The following CHST9 variants were observed in gnomAD, a reference collection of about 807,000 sequenced individuals.
The protein encoded by CHST9 is GalNAc-4-sulfotransferase 2.
A neutral mutation model predicts 44.4 loss-of-function variants in CHST9; 41 were observed. The ratio of observed to expected loss-of-function variants is 0.92; its 90% CI spans 0.72 to 1.20. The LOEUF (loss-of-function observed/expected upper bound fraction) is 1.20. Among genes scored for constraint, CHST9 ranks in the 50% most tolerant of loss-of-function variants. The probability of loss-of-function intolerance (pLI) is 0.00; values close to 1 mark genes in which losing one functional copy is unlikely to be tolerated. For synonymous variants in CHST9, 171 were observed against 178.4 expected (o/e 0.96, Z 0.33); for missense variants, 504 against 516.5 (o/e 0.98, Z 0.23).
At chr18:27,112,975 G>A (rs1357110614) in intron 2 of CHST9, among the ~76,000 whole-genome samples, 2 of 151,992 alleles carry the variant, frequency 1.3e-5, no homozygotes, top group African/African-American at 4.8e-5. Context: ...GGATCATGAG[G>A]TCAAGAGATC....
chr18:27,131,825 T>C (rs553179984), intron 2 of CHST9, among the ~76,000 whole-genome samples: 1 of 152,382 alleles, frequency 6.6e-6, no homozygotes, highest in East Asian at 1.9e-4. Context: ...TATTTTAATT[T>C]AAAACATTCC....
chr18:27,171,627 C>T (rs1459347416), intron 1 of CHST9, among the ~76,000 whole-genome samples: 1 of 152,000 alleles, frequency 6.6e-6, no homozygotes, highest in Admixed American at 6.5e-5. Context: ...ATAAAGAGAA[C>T]GTGGTTGTTT....
intron 5 of CHST9, chr18:26,930,884 T>A (rs1463563120): frequency 1.3e-5 from 2 of 149,638 alleles, no homozygotes; most frequent in Non-Finnish European, 3.0e-5. Flanking sequence ...CCCTTTCTGT[T>A]ACTTCCTGTA....
At chr18:27,012,353 A>G (rs981237757) in intron 4 of CHST9, among the ~76,000 whole-genome samples, 4 of 152,202 alleles carry the variant, frequency 2.6e-5, no homozygotes, top group African/African-American at 9.6e-5. Flanking sequence ...TATTTTTGCA[A>G]TAAAGTAAGC....
intron 2 of CHST9, among the ~76,000 whole-genome samples, chr18:27,064,269 G>GA (rs11388117): frequency 0.25 from 37,554 of 147,312 alleles, 5,464 homozygotes; most frequent in African/African-American, 0.4. Context: ...GCCTTACAGC[G>GA]AAAAAAAAAA....
intron 1 of CHST9, among the ~76,000 whole-genome samples, chr18:27,175,644 G>A (rs1319673428): frequency 6.6e-6 from 1 of 152,066 alleles, no homozygotes; most frequent in Non-Finnish European, 1.5e-5. Context: ...TTATTAGAAT[G>A]TGAGGGTGGA....
chr18:27,114,853 G>A (rs550494413), intron 2 of CHST9, among the ~76,000 whole-genome samples: 1 of 152,170 alleles, frequency 6.6e-6, no homozygotes, highest in African/African-American at 2.4e-5. Flanking sequence ...TACCACATTT[G>A]GATACGTGGG....
intron 2 of CHST9, among the ~76,000 whole-genome samples, chr18:27,052,958 A>G (rs2057586056): frequency 6.6e-6 from 1 of 151,716 alleles, no homozygotes; most frequent in East Asian, 1.9e-4. Context: ...CATTATGACA[A>G]ATACCTAGTG....
chr18:26,917,914 C>A (rs2055567917), intron 5 of CHST9, among the ~76,000 whole-genome samples: 1 of 151,644 alleles, frequency 6.6e-6, no homozygotes, highest in Non-Finnish European at 1.5e-5. Flanking sequence ...TTTTCTAAAG[C>A]ATTTATCACA....
At position 27,151,198 on chromosome 18, in the gene CHST9, C is replaced by T. The variant is rs151257240; in HGVS notation, c.-96-8293G>A. Among the ~76,000 whole-genome samples, 135 of 152,104 alleles carry T rather than the reference C, an allele frequency of 8.9e-4. 2 individuals are homozygous for T. The East Asian group carries it at 0.024, about 27-fold the overall frequency. On this transcript the variant is annotated intron_variant, in intron 1 of 5. Transcript: ENST00000618847. ...AGTAGTTAAATAACCCCATTTTAAT[C>T]TATTTTAATACTGTGTAATTCCTGA...
intron 4 of CHST9, among the ~76,000 whole-genome samples, chr18:26,952,008 T>C (rs1213711615): frequency 1.3e-5 from 2 of 152,170 alleles, no homozygotes; most frequent in African/African-American, 4.8e-5. Context: ...TTCCTGATCA[T>C]ATTACATGAC....
At chr18:27,141,686 C>T (rs1178608249) in intron 2 of CHST9, among the ~76,000 whole-genome samples, 2 of 139,266 alleles carry the variant, frequency 1.4e-5, no homozygotes, top group African/African-American at 5.5e-5. Flanking sequence ...AGTTGTAACT[C>T]AGTATTAAAT....
At chr18:26,988,409 G>C (rs1038513126) in intron 4 of CHST9, among the ~76,000 whole-genome samples, 1 of 152,074 alleles carries the variant, frequency 6.6e-6, no homozygotes, top group Admixed American at 6.5e-5. Flanking sequence ...TATTGAGCCA[G>C]GCAAAGTAAT....
chr18:26,923,061 C>T (rs2055692876), intron 5 of CHST9, among the ~76,000 whole-genome samples: 2 of 152,234 alleles, frequency 1.3e-5, no homozygotes, highest in African/African-American at 2.4e-5. Context: ...ACCTCCTATA[C>T]ATCAGGTTCT....
At chr18:27,076,335 A>ATG (rs968561520) in intron 2 of CHST9, among the ~76,000 whole-genome samples, 11 of 152,222 alleles carry the variant, frequency 7.2e-5, no homozygotes, top group Admixed American at 7.2e-4. Flanking sequence ...TTATTAATGA[A>ATG]TGTGTGTGTG....
Position 27,078,464 on chromosome 18 carries a change from GT to G in CHST9, c.122-29962del, listed in dbSNP as rs1411988734. On this transcript the variant is annotated intron_variant, in intron 2 of 5. Coordinates refer to ENST00000618847, the MANE Select transcript of CHST9 (RefSeq NM_031422.6). The stretch of plus-strand genomic sequence containing the variant: ...GCGCTTAGGGGAAGTATATACATGT[GT>G]ATGTAAAGTATATATATATATATCT... 4.3e-4 allele frequency among the ~76,000 whole-genome samples: 66 copies of G among 151,732 alleles called. 1 individual carries two copies. The highest frequency in any genetic ancestry group is 4.4e-4 in the Non-Finnish European group (30 of 67,872).
intron 2 of CHST9, among the ~76,000 whole-genome samples, chr18:27,059,611 A>G (rs2057697448): frequency 6.6e-6 from 1 of 152,220 alleles, no homozygotes; most frequent in Non-Finnish European, 1.5e-5. Context: ...TAATGAACAC[A>G]CAATCCTGCC....
At position 26,913,193 on chromosome 18, in the gene CHST9, A is replaced by C. The variant is rs1028623208; in HGVS notation, c.*3066T>G. The stretch of plus-strand genomic sequence containing the variant: ...GAGATAAGAATAATAATACATCAAT[A>C]AAATGTAAAAGTATTTTTCCTCTTT... On this transcript the variant is annotated 3_prime_UTR_variant, in exon 6 of 6. Coordinates refer to ENST00000618847, the MANE Select transcript of CHST9 (RefSeq NM_031422.6). 6 of 152,232 alleles carry C rather than the reference A, an allele frequency of 3.9e-5. No homozygotes were observed. Among genetic ancestry groups the C allele is most frequent in the Non-Finnish European group, 7.3e-5 (5 of 68,044 alleles). 9.4% of individuals were successfully genotyped at this position (152,232 alleles called of 1,614,324 possible).
intron 4 of CHST9, among the ~76,000 whole-genome samples, chr18:27,014,679 T>C (rs1198656342): frequency 6.6e-6 from 1 of 151,902 alleles, no homozygotes; most frequent in Non-Finnish European, 1.5e-5. Context: ...GTCCACCTCC[T>C]GAAAAAAAAC....
Sources: gnomAD v4.1 joint callset for allele counts (sites outside exome capture counted in the v4.1 genomes callset) on GRCh38, gnomAD v4.1.1 for gene constraint, MANE v1.5 for transcripts, NCBI Gene and HGNC (gene_info 2026-07-23, HGNC 2026-07-21) for gene names.